CSMD1: variants seen among roughly 807,000 people sequenced by gnomAD.
The protein encoded by CSMD1 is CUB and sushi domain-containing protein 1.
In CSMD1, 213 loss-of-function variants were observed where a neutral mutation model predicts 417.5. The ratio of observed to expected loss-of-function variants is 0.51; its 90% CI spans 0.46 to 0.57. The LOEUF (loss-of-function observed/expected upper bound fraction) is 0.57, where lower values mean the gene tolerates loss of function less well. Among genes scored for constraint, CSMD1 ranks in the 20% least tolerant of loss-of-function variants. The pLI, the probability that CSMD1 is intolerant of heterozygous loss-of-function variation, is 0.00. For missense variants in CSMD1, 6,923 were observed against 4,529.7 expected, an observed-to-expected ratio of 1.53 and a Z score of -15.17; for synonymous variants, 2,862 against 1,736.8, an observed-to-expected ratio of 1.65 and a Z score of -16.11.
intron 2 of CSMD1, among the ~76,000 whole-genome samples, chr8:4,459,131 C>A (rs1360826549): frequency 6.6e-6 from 1 of 152,210 alleles, no homozygotes; most frequent in Non-Finnish European, 1.5e-5. Context: ...AGGCCACCAT[C>A]CTTTCTCATC....
intron 2 of CSMD1, among the ~76,000 whole-genome samples, chr8:4,444,583 C>T (rs1241502369): frequency 3.9e-5 from 6 of 151,982 alleles, no homozygotes; most frequent in Non-Finnish European, 5.9e-5. Flanking sequence ...AGCTCCAGAA[C>T]ATGAAATGCT....
chr8:4,760,582 T>A (rs557928376), intron 1 of CSMD1, among the ~76,000 whole-genome samples: 1 of 152,320 alleles, frequency 6.6e-6, no homozygotes, highest in African/African-American at 2.4e-5. Flanking sequence ...ATTTCTAGAA[T>A]AATTATACCT....
chr8:3,605,841 G>A (rs948467679), intron 8 of CSMD1, among the ~76,000 whole-genome samples: 2 of 152,142 alleles, frequency 1.3e-5, no homozygotes, highest in African/African-American at 4.8e-5. Flanking sequence ...AATTTTAATT[G>A]TTAATCTATT....
intron 1 of CSMD1, among the ~76,000 whole-genome samples, chr8:4,818,422 A>G (rs1799327606): frequency 6.6e-6 from 1 of 152,216 alleles, no homozygotes. Context: ...TCTTTTCTTA[A>G]CATTCTGATT....
At chr8:4,140,884 G>A (rs185925048) in intron 3 of CSMD1, among the ~76,000 whole-genome samples, 69 of 151,094 alleles carry the variant, frequency 4.6e-4, no homozygotes, top group Middle Eastern at 3.4e-3. Flanking sequence ...ATTGCTGATC[G>A]CCAATGCACA....
intron 3 of CSMD1, among the ~76,000 whole-genome samples, chr8:4,034,999 A>C (rs539799716): frequency 1.3e-5 from 2 of 152,318 alleles, no homozygotes; most frequent in Admixed American, 6.5e-5. Flanking sequence ...TTTTTCTGTT[A>C]AAAGGGCCTG....
chr8:3,056,160 A>T (rs570739566), intron 49 of CSMD1, among the ~76,000 whole-genome samples: 74 of 152,340 alleles, frequency 4.9e-4, no homozygotes, highest in African/African-American at 1.7e-3. Context: ...AGCAAAGAGT[A>T]AGTTGGTAGG....
At chr8:3,031,989 T>C (rs117743954) in intron 50 of CSMD1, among the ~76,000 whole-genome samples, 2,334 of 150,330 alleles carry the variant, frequency 0.016, 37 homozygotes, top group East Asian at 0.038. Context: ...TATATATATA[T>C]ACACATAATA....
At chr8:4,578,289 T>TAG (rs1308063316) in intron 2 of CSMD1, among the ~76,000 whole-genome samples, 1 of 145,904 alleles carries the variant, frequency 6.9e-6, no homozygotes. Flanking sequence ...GCCTCCCGAG[T>TAG]AGAGTAGCTG....
At chr8:4,215,449 T>C (rs1315441836) in intron 3 of CSMD1, among the ~76,000 whole-genome samples, 3 of 152,194 alleles carry the variant, frequency 2.0e-5, no homozygotes, top group South Asian at 4.1e-4. Context: ...CAATGCTTCC[T>C]GAATATTTTA....
chr8:4,159,774 G>A (rs544954209), intron 3 of CSMD1, among the ~76,000 whole-genome samples: 131 of 152,284 alleles, frequency 8.6e-4, no homozygotes, highest in African/African-American at 3.0e-3. Flanking sequence ...ATTTTTAGTA[G>A]AGATGGGGTT....
chr8:3,416,431 T>C (rs959930771), intron 12 of CSMD1, among the ~76,000 whole-genome samples: 2 of 145,484 alleles, frequency 1.4e-5, no homozygotes, highest in Non-Finnish European at 3.0e-5. Context: ...AAGGTAGAAA[T>C]AAATGAATGT....
In CSMD1 at chr8:4,032,110, A is replaced by T. The variant is rs756671932; in HGVS notation, c.416-11T>A. The T allele has an allele frequency of 4.4e-6, 7 of 1,582,446 alleles. No homozygotes were observed. In the East Asian group the frequency reaches 1.6e-4, roughly 36 times the overall value. On this transcript the variant is annotated splice_polypyrimidine_tract_variant and intron_variant, in intron 3 of 69. Transcript: ENST00000635120. ...TGTGGCTAGGTAAAACTATTGGAAA[A>T]AGAAAAGAAAGGAGAAAAAACAAGT... is the stretch of plus-strand genomic sequence containing the variant.
At chr8:4,373,329 A>T (rs1037603713) in intron 3 of CSMD1, among the ~76,000 whole-genome samples, 9 of 152,370 alleles carry the variant, frequency 5.9e-5, no homozygotes, top group African/African-American at 2.2e-4. Context: ...AAAGTATGCG[A>T]CATAGGATTT....
chr8:4,109,251 T>C (rs186366619), intron 3 of CSMD1, among the ~76,000 whole-genome samples: 3 of 152,232 alleles, frequency 2.0e-5, no homozygotes, highest in Non-Finnish European at 4.4e-5. Context: ...TTTCTGAATG[T>C]TTTTGACCCT....
intron 2 of CSMD1, among the ~76,000 whole-genome samples, chr8:4,557,171 A>T (rs187758628): frequency 8.5e-5 from 13 of 152,202 alleles, no homozygotes; most frequent in Non-Finnish European, 1.6e-4. Flanking sequence ...TAGCTCCATC[A>T]GTTAGAATTT....
rs763144420 is a variant in CSMD1, at chr8:3,142,584, A to T, written c.6122T>A (p.Ile2041Asn). 3 of 1,613,862 alleles carry T rather than the reference A, an allele frequency of 1.9e-6. No homozygotes were observed. Among genetic ancestry groups the T allele is most frequent in the East Asian group, 2.2e-5 (1 of 44,896 alleles). The change falls in exon 41 of 70, where the codon ATT (isoleucine) becomes AAT (asparagine). Residue 2041 changes from isoleucine (I) to asparagine (N), a missense_variant. Ile to Asn is a moderately radical substitution (Grantham distance 149). Coordinates refer to ENST00000635120, the MANE Select transcript of CSMD1 (RefSeq NM_033225.6). ...GAGATCCGTGCCGCTAAATTGTCCA[A>T]TCATGGGGCTGGTGTGGTAAGGTCC... is the stretch of plus-strand genomic sequence containing the variant. ...QNGPYHTSPM[I>N]GQFSGTDLPA... is the part of the protein sequence containing the mutation.
chr8:3,318,346 C>A (rs1282143916), intron 23 of CSMD1, among the ~76,000 whole-genome samples: 3 of 152,138 alleles, frequency 2.0e-5, no homozygotes, highest in Non-Finnish European at 4.4e-5. Context: ...AGTAGCATAT[C>A]CTCTGGCCTA....
chr8:3,404,849 G>A (rs1812250534), intron 15 of CSMD1, among the ~76,000 whole-genome samples: 1 of 152,032 alleles, frequency 6.6e-6, no homozygotes, highest in South Asian at 2.1e-4. Context: ...ATTGATACCT[G>A]TTATTCTTCA....
Sources: allele counts gnomAD v4.1 joint callset (sites outside exome capture counted in the v4.1 genomes callset), GRCh38; gene constraint gnomAD v4.1.1; transcripts MANE v1.5; gene names NCBI Gene and HGNC (gene_info 2026-07-23, HGNC 2026-07-21).